MEPE: variants seen among roughly 807,000 people sequenced by gnomAD.
MEPE encodes the protein matrix extracellular phosphoglycoprotein.
Under a neutral mutation model 7.3 loss-of-function variants are expected in MEPE, and 7 were observed. The ratio of observed to expected loss-of-function variants is 0.95; its 90% confidence interval spans 0.54 to 1.79. The LOEUF (loss-of-function observed/expected upper bound fraction) is 1.79, where lower values mean the gene tolerates loss of function less well. Ranked by LOEUF, MEPE falls within the 40% of genes most tolerant of loss-of-function variation. The pLI, the probability that MEPE is intolerant of heterozygous loss-of-function variation, is 0.00. For synonymous variants in MEPE, 214 were observed against 213.1 expected (o/e 1.00, Z -0.04); for missense variants, 623 against 628.2 (o/e 0.99, Z 0.09).
chr4:87,828,435 T>C (rs1040199300), upstream of MEPE, among the ~76,000 whole-genome samples: 1 of 152,056 alleles, frequency 6.6e-6, no homozygotes, highest in African/African-American at 2.4e-5. Context: ...GTTACCTTAA[T>C]AGAGTCAAGA....
chr4:87,839,319 A>T (rs1482161286), intron 3 of MEPE, among the ~76,000 whole-genome samples: 1 of 152,206 alleles, frequency 6.6e-6, no homozygotes, highest in Non-Finnish European at 1.5e-5. Flanking sequence ...ATTAGACATC[A>T]GACATGAATA....
At chr4:87,838,574 G>T (rs371833970) in intron 2 of MEPE, 58 bp from the exon 3 acceptor site, 5 of 1,447,412 alleles carry the variant, frequency 3.5e-6, no homozygotes, top group Non-Finnish European at 9.7e-7. Flanking sequence ...TTTGTTTGAA[G>T]AAGTTAATGA....
rs144928765 is a variant in MEPE at position 87,845,490 on chromosome 4, G to C, written c.622G>C (p.Val208Leu). 10 of 1,613,578 alleles carry C rather than the reference G, an allele frequency of 6.2e-6. No individual in the cohort carries two copies. In the South Asian group the frequency reaches 6.6e-5, roughly 11 times the overall value. Residue 208 changes from valine (V) to leucine (L), a missense_variant, in exon 4 of 4, where the codon GTA (valine) becomes CTA (leucine). Transcript: ENST00000361056. ...QRDSQAQKSP[V>L]KSKSTHRIQH... ...AGATTCCCAAGCCCAGAAAAGTCCA[G>C]TAAAAAGCAAAAGCACCCATCGTAT... is the stretch of plus-strand genomic sequence containing the variant.
At chr4:87,823,671 A>G (rs557155898) in intron 1 of MEPE, among the ~76,000 whole-genome samples, 74 of 152,358 alleles carry the variant, frequency 4.9e-4, no homozygotes, top group African/African-American at 1.4e-3. Flanking sequence ...AAAAACTCCA[A>G]TCCTTCTCCA....
chr4:87,843,821 C>T (rs958038212), intron 3 of MEPE, among the ~76,000 whole-genome samples: 6 of 152,156 alleles, frequency 3.9e-5, no homozygotes, highest in Non-Finnish European at 8.8e-5. Flanking sequence ...TGGCTTACAC[C>T]GTCCACTACA....
intron 3 of MEPE, chr4:87,839,549 T>A: frequency 1.6e-6 from 1 of 637,348 alleles, no homozygotes; most frequent in Non-Finnish European, 2.7e-6. Context: ...CCTGTGGTTA[T>A]AAGAAGTACT....
upstream of MEPE, among the ~76,000 whole-genome samples, chr4:87,832,697 G>C (rs750446625): frequency 3.3e-5 from 5 of 152,170 alleles, no homozygotes; most frequent in African/African-American, 4.8e-5. Context: ...TATTCAGTCA[G>C]TCCTAATTAG....
At chr4:87,842,601 A>G (rs1182789817) in intron 3 of MEPE, among the ~76,000 whole-genome samples, 1 of 152,190 alleles carries the variant, frequency 6.6e-6, no homozygotes, top group Non-Finnish European at 1.5e-5. Context: ...GATGGGTCTG[A>G]ACATAGTCAC....
At chr4:87,827,151 C>T (rs1220602785) in intron 1 of MEPE, among the ~76,000 whole-genome samples, 2 of 152,114 alleles carry the variant, frequency 1.3e-5, no homozygotes, top group East Asian at 3.9e-4. Flanking sequence ...ACTCTTGCAC[C>T]CCATCTCTGA....
chr4:87,830,438 T>C (rs1056829576), upstream of MEPE, among the ~76,000 whole-genome samples: 6 of 152,184 alleles, frequency 3.9e-5, no homozygotes, highest in African/African-American at 1.4e-4. Flanking sequence ...GGAACATGGC[T>C]GGAGCTGGAG....
intron 2 of MEPE, among the ~76,000 whole-genome samples, chr4:87,837,354 C>G (rs1053767281): frequency 2.0e-4 from 31 of 151,568 alleles, no homozygotes; most frequent in African/African-American, 2.2e-4. Context: ...CTCCTTCCCC[C>G]CCTCCAGACT....
intron 3 of MEPE, among the ~76,000 whole-genome samples, chr4:87,842,288 C>G (rs1213138854): frequency 6.6e-6 from 1 of 152,054 alleles, no homozygotes. Context: ...TCTTTGCTAC[C>G]TTCCCTACAC....
chr4:87,843,723 T>C (rs1723099990), intron 3 of MEPE, among the ~76,000 whole-genome samples: 1 of 152,192 alleles, frequency 6.6e-6, no homozygotes, highest in African/African-American at 2.4e-5. Flanking sequence ...ATAGCTAAAA[T>C]AGTTATTTAA....
At chr4:87,828,473 A>G (rs527825060), upstream of MEPE, among the ~76,000 whole-genome samples, 1 of 152,256 alleles carries the variant, frequency 6.6e-6, no homozygotes, top group Admixed American at 6.5e-5. Flanking sequence ...ATAGCAGGGG[A>G]AAAAGGACTT....
intron 1 of MEPE, among the ~76,000 whole-genome samples, chr4:87,822,622 C>T (rs543367851): frequency 6.6e-6 from 1 of 152,296 alleles, no homozygotes; most frequent in Admixed American, 6.5e-5. Context: ...AACAGAGAGG[C>T]CAGATGACAG....
In MEPE at chr4:87,845,683, C is replaced by T. The variant is rs1299770675; in HGVS notation, c.815C>T (p.Thr272Ile). The T allele has an allele frequency of 6.2e-7, 1 of 1,613,786 alleles. No individual in the cohort carries two copies. Reference protein sequence around the residue: ...FKDIPGKGEATGPDLEGKDIQ... With the variant: ...FKDIPGKGEAIGPDLEGKDIQ... ...GACATTCCTGGTAAAGGAGAAGCTA[C>T]TGGTCCTGACCTAGAAGGCAAAGAT... Residue 272 changes from threonine to isoleucine, a missense_variant, in exon 4 of 4, where the codon ACT becomes ATT. Physicochemically the swap from Thr to Ile is moderately conservative, Grantham distance 89 (BLOSUM62 -1). Transcript: ENST00000361056.
chr4:87,829,770 C>T (rs188314408), upstream of MEPE, among the ~76,000 whole-genome samples: 1 of 151,860 alleles, frequency 6.6e-6, no homozygotes, highest in East Asian at 1.9e-4. Flanking sequence ...TCTATATTTC[C>T]ATTCAGTCTC....
chr4:87,823,336 A>C (rs1231041611), intron 1 of MEPE, among the ~76,000 whole-genome samples: 1 of 152,178 alleles, frequency 6.6e-6, no homozygotes, highest in African/African-American at 2.4e-5. Context: ...ACCTCCTTCA[A>C]CACGATGACT....
intron 1 of MEPE, among the ~76,000 whole-genome samples, chr4:87,825,576 T>C (rs1256010156): frequency 6.6e-6 from 1 of 152,242 alleles, no homozygotes; most frequent in Non-Finnish European, 1.5e-5. Context: ...GGAGAGTAAC[T>C]GTGCAACAGT....
Sources: gnomAD v4.1 joint callset for allele counts (sites outside exome capture counted in the v4.1 genomes callset) on GRCh38, gnomAD v4.1.1 for gene constraint, MANE v1.5 for transcripts, NCBI Gene and HGNC (gene_info 2026-07-23, HGNC 2026-07-21) for gene names.